The following ESRRB variants were observed in gnomAD, a reference collection of about 807,000 sequenced individuals.
ESRRB encodes steroid hormone receptor ERR2.
ESRRB carries 16 observed loss-of-function variants against 46.0 expected under a neutral mutation model. The observed-to-expected ratio is 0.35, with a 90% CI of 0.24 to 0.53. The LOEUF (loss-of-function observed/expected upper bound fraction) is 0.53, where lower values mean the gene tolerates loss of function less well. Ranked by LOEUF, ESRRB falls within the 20% of genes least tolerant of loss-of-function variation. The probability of loss-of-function intolerance (pLI) is 0.93; values close to 1 mark genes in which losing one functional copy is unlikely to be tolerated. For synonymous variants in ESRRB, 246 were observed against 259.6 expected, an observed-to-expected ratio of 0.95 and a Z score of 0.50; for missense variants, 488 against 607.4, an observed-to-expected ratio of 0.80 and a Z score of 2.07.
intron 2 of ESRRB, among the ~76,000 whole-genome samples, chr14:76,452,021 T>C (rs890196730): frequency 6.6e-6 from 1 of 151,836 alleles, no homozygotes; most frequent in Non-Finnish European, 1.5e-5. Flanking sequence ...CTTGGGTCAC[T>C]GCAACCTCCG....
chr14:76,336,888 C>G (rs549906118), intron 1 of ESRRB, among the ~76,000 whole-genome samples: 1 of 152,130 alleles, frequency 6.6e-6, no homozygotes, highest in East Asian at 1.9e-4. Flanking sequence ...TAGCCAAGAT[C>G]GTGAACACAT....
intron 1 of ESRRB, among the ~76,000 whole-genome samples, chr14:76,385,738 G>A (rs1307274956): frequency 6.6e-6 from 1 of 152,208 alleles, no homozygotes; most frequent in Admixed American, 6.5e-5. Context: ...TAACCAAATA[G>A]CAACTGACCT....
At chr14:76,326,631 C>T (rs1167994033) in intron 1 of ESRRB, among the ~76,000 whole-genome samples, 1 of 152,112 alleles carries the variant, frequency 6.6e-6, no homozygotes, top group African/African-American at 2.4e-5. Context: ...GTAACAAGGT[C>T]AGTCTAATCT....
At chr14:76,333,449 G>GATATATT (rs1566854142) in intron 1 of ESRRB, among the ~76,000 whole-genome samples, 44 of 46,070 alleles carry the variant, frequency 9.6e-4, no homozygotes, top group East Asian at 2.3e-3. Context: ...TGATATATAA[G>GATATATT]TATATCATAT....
At chr14:76,314,271 G>C (rs1035697203) in intron 1 of ESRRB, among the ~76,000 whole-genome samples, 4 of 152,204 alleles carry the variant, frequency 2.6e-5, no homozygotes, top group Admixed American at 6.5e-5. Flanking sequence ...TGCAAGCTCT[G>C]AAGCTGAAGT....
chr14:76,332,538 TA>T (rs1314740100), intron 1 of ESRRB, among the ~76,000 whole-genome samples: 2 of 91,676 alleles, frequency 2.2e-5, no homozygotes, highest in African/African-American at 8.6e-5. Flanking sequence ...ATATACAATA[TA>T]ATATATATTT....
chr14:76,426,681 T>C (rs1887215683), intron 1 of ESRRB, among the ~76,000 whole-genome samples: 1 of 152,144 alleles, frequency 6.6e-6, no homozygotes, highest in Non-Finnish European at 1.5e-5. Flanking sequence ...TTCACCTTGC[T>C]CACCAACATA....
In ESRRB at chr14:76,402,847, TTTTC is replaced by T. The variant is rs1248100697; in HGVS notation, c.50+26404_50+26407del. ...CCACTCAGCTCTGGGAATTCTTTCT[TTTTC>T]TTTCTTTTTTTCTTTTTCCTGGAGA... On this transcript the variant is annotated intron_variant, in intron 1 of 6. Transcript: ENST00000644823. Among the ~76,000 whole-genome samples the T allele has an allele frequency of 2.0e-5, 3 of 152,204 alleles. No individual in the cohort carries two copies. In the South Asian group the frequency reaches 6.2e-4, roughly 32 times the overall value.
At chr14:76,331,782 G>A (rs1048865173) in intron 1 of ESRRB, among the ~76,000 whole-genome samples, 1 of 151,604 alleles carries the variant, frequency 6.6e-6, no homozygotes, top group African/African-American at 2.4e-5. Flanking sequence ...GGGTTGGGAG[G>A]CCCTGTGGCA....
At chr14:76,318,192 GT>G (rs2139723973) in intron 1 of ESRRB, among the ~76,000 whole-genome samples, 1 of 152,212 alleles carries the variant, frequency 6.6e-6, no homozygotes, top group African/African-American at 2.4e-5. Flanking sequence ...AGGCTTGTAC[GT>G]GTCTGGAGAG....
At chr14:76,382,866 T>A (rs1415324412) in intron 1 of ESRRB, among the ~76,000 whole-genome samples, 1 of 152,236 alleles carries the variant, frequency 6.6e-6, no homozygotes, top group Non-Finnish European at 1.5e-5. Flanking sequence ...CTTTCCTTTG[T>A]TCCTTAGGAC....
Position 76,333,060 on chromosome 14 carries a change from TATA to T in ESRRB, c.2+22145_2+22147del, listed in dbSNP as rs1884061948. 4.3e-4 allele frequency among the ~76,000 whole-genome samples: 4 copies of T among 9,240 alleles called. 1 individual carries two copies. Among genetic ancestry groups the T allele is most frequent in the African/African-American group, 9.1e-4 (3 of 3,304 alleles). 6.1% of individuals were successfully genotyped at this position (9,240 alleles called of 152,430 possible). A position where few individuals can be genotyped will look rare whatever the true frequency, so the allele number is the denominator to read the frequency against. ...ATTATATATTATATATTATATATTATATATTATATATTATATATATTATTTATA... is the reference window on the plus strand; with the variant it reads ...ATTATATATTATATATTATATATTATTTATATATTATATATATTATTTATA... On this transcript the variant is annotated intron_variant, in intron 1 of 6. Coordinates refer to the ESRRB transcript ENST00000512784.
intron 1 of ESRRB, among the ~76,000 whole-genome samples, chr14:76,381,189 G>T (rs1884999663): frequency 6.6e-6 from 1 of 152,166 alleles, no homozygotes; most frequent in South Asian, 2.1e-4. Context: ...AGCTGGTATG[G>T]CTTCGTCCCT....
At chr14:76,370,902 G>T (rs1884607653), upstream of ESRRB, among the ~76,000 whole-genome samples, 1 of 152,184 alleles carries the variant, frequency 6.6e-6, no homozygotes, top group African/African-American at 2.4e-5. Context: ...AATCAGCTGT[G>T]GTGGTGAGAA....
At chr14:76,400,617 G>A (rs7157192) in intron 1 of ESRRB, among the ~76,000 whole-genome samples, 34,450 of 152,098 alleles carry the variant, frequency 0.23, 4,037 homozygotes, top group East Asian at 0.4. Context: ...TTTGGGTGGT[G>A]GTGAACGGGA....
intron 1 of ESRRB, among the ~76,000 whole-genome samples, chr14:76,358,031 G>T (rs950489813): frequency 1.3e-5 from 2 of 152,048 alleles, no homozygotes; most frequent in African/African-American, 4.8e-5. Context: ...AAAATTGCAG[G>T]CTGGGCACGG....
chr14:76,479,236 C>T lies in ESRRB; in HGVS notation c.578-2780C>T, dbSNP rs530253886. On this transcript the variant is annotated intron_variant, in intron 3 of 6. Transcript: ENST00000644823. ...GTCTGTTTGTGTGTGTGTGTGTGTA[C>T]GTGTGCATGCGTGCGTGTGTGTGTG... Among the ~76,000 whole-genome samples, 9 of 92,528 alleles carry T rather than the reference C, an allele frequency of 9.7e-5. No individual in the cohort carries two copies. The South Asian group carries it at 2.1e-3, about 22-fold the overall frequency. 60.7% of individuals were successfully genotyped at this position (92,528 alleles called of 152,430 possible).
intron 1 of ESRRB, among the ~76,000 whole-genome samples, chr14:76,340,243 C>T (rs545522826): frequency 2.0e-5 from 3 of 152,324 alleles, no homozygotes; most frequent in African/African-American, 7.2e-5. Context: ...CAGATAACAC[C>T]CCTCAGAGTG....
chr14:76,462,771 C>G lies in ESRRB; in HGVS notation c.577+110C>G. On this transcript the variant is annotated intron_variant, in intron 3 of 6. Coordinates refer to ENST00000644823, the MANE Select transcript of ESRRB (RefSeq NM_001379180.1). ...TGGACCTGTGTCCCAGGGTGAGACCCAGTCTGAGCGCCCATCTCCTCCCAC... is the reference window on the plus strand; with the variant it reads ...TGGACCTGTGTCCCAGGGTGAGACCGAGTCTGAGCGCCCATCTCCTCCCAC... 3 of 860,578 alleles carry G rather than the reference C, an allele frequency of 3.5e-6. No individual in the cohort carries two copies. The South Asian group carries it at 4.0e-5, about 11-fold the overall frequency. 53.3% of individuals were successfully genotyped at this position (860,578 alleles called of 1,614,324 possible).
Sources: gnomAD v4.1 joint callset for allele counts (sites outside exome capture counted in the v4.1 genomes callset) on GRCh38, gnomAD v4.1.1 for gene constraint, MANE v1.5 for transcripts, NCBI Gene and HGNC (gene_info 2026-07-23, HGNC 2026-07-21) for gene names.